Variants in RAB2A observed in about 807,000 individuals in gnomAD.
RAB2A encodes RAB2A, member RAS oncogene family.
A neutral mutation model predicts 32.5 loss-of-function variants in RAB2A; 7 were observed. The ratio of observed to expected loss-of-function variants is 0.22; its 90% CI spans 0.12 to 0.40. The LOEUF is 0.40. RAB2A is among the 10% of genes least tolerant of loss of function. The pLI is 1.00. For synonymous variants in RAB2A, 79 were observed against 85.2 expected (o/e 0.93, Z 0.40); for missense variants, 108 against 260.7 (o/e 0.41, Z 4.03).
At chr8:60,578,356 AG>A (rs1436129970) in intron 3 of RAB2A, among the ~76,000 whole-genome samples, 1 of 152,236 alleles carries the variant, frequency 6.6e-6, no homozygotes, top group Non-Finnish European at 1.5e-5. Flanking sequence ...ATTTGTGAGG[AG>A]AAAAGGATAA....
In RAB2A at chr8:60,584,824, G is replaced by T. The variant is rs1361632237; in HGVS notation, c.362+9G>T. On this transcript the variant is annotated intron_variant, in intron 5 of 7. Transcript: ENST00000262646. ...CTTATTGGAAATAAAAGGTAAAAAG[G>T]CTAATTTAGAGCTTACATTGCATTA... is the stretch of plus-strand genomic sequence containing the variant. 2 of 1,594,486 alleles carry T rather than the reference G, an allele frequency of 1.3e-6. No individual in the cohort carries two copies. The highest frequency in any genetic ancestry group is 1.7e-6 in the Non-Finnish European group (2 of 1,163,012).
intron 3 of RAB2A, among the ~76,000 whole-genome samples, chr8:60,576,769 C>G (rs1001909789): frequency 6.6e-6 from 1 of 152,196 alleles, no homozygotes; most frequent in Admixed American, 6.5e-5. Context: ...AATACTGCCT[C>G]CCCACTTCTG....
intron 1 of RAB2A, among the ~76,000 whole-genome samples, chr8:60,557,721 A>G (rs1265493058): frequency 6.8e-6 from 1 of 147,348 alleles, no homozygotes; most frequent in Non-Finnish European, 1.5e-5. Flanking sequence ...GCGCACCACC[A>G]CACCCATCTT....
chr8:60,518,513 G>A (rs1449714306), intron 1 of RAB2A, among the ~76,000 whole-genome samples: 10 of 150,038 alleles, frequency 6.7e-5, no homozygotes, highest in African/African-American at 2.0e-4. Flanking sequence ...AAAGTTAGCC[G>A]GGCGTCGTGG....
chr8:60,547,873 CG>C (rs1382474458), intron 1 of RAB2A, among the ~76,000 whole-genome samples: 1 of 103,092 alleles, frequency 9.7e-6, no homozygotes, highest in Non-Finnish European at 1.9e-5. Flanking sequence ...GCTGGCCGGG[CG>C]GGGGGCTGAC....
chr8:60,536,035 G>A (rs1303957464), intron 1 of RAB2A, among the ~76,000 whole-genome samples: 1 of 152,150 alleles, frequency 6.6e-6, no homozygotes, highest in Non-Finnish European at 1.5e-5. Flanking sequence ...ATTGCTGTTA[G>A]CCTTCTTGTG....
chr8:60,555,087 A>C (rs1807914591), intron 1 of RAB2A, among the ~76,000 whole-genome samples: 1 of 152,246 alleles, frequency 6.6e-6, no homozygotes, highest in Non-Finnish European at 1.5e-5. Flanking sequence ...CAGATACATT[A>C]TATAGATACA....
At chr8:60,616,242 T>C (rs568627160) in intron 6 of RAB2A, among the ~76,000 whole-genome samples, 3 of 152,352 alleles carry the variant, frequency 2.0e-5, no homozygotes, top group East Asian at 3.9e-4. Flanking sequence ...TTCTTAAGCC[T>C]GTTTTTAAAG....
intron 2 of RAB2A, among the ~76,000 whole-genome samples, chr8:60,565,431 A>AAG (rs1554554739): frequency 2.6e-5 from 4 of 151,732 alleles, no homozygotes; most frequent in East Asian, 3.9e-4. Flanking sequence ...AAAAAAAAAA[A>AAG]AAAGAAAGAA....
chr8:60,539,409 A>G (rs958961311), intron 1 of RAB2A, among the ~76,000 whole-genome samples: 5 of 152,244 alleles, frequency 3.3e-5, no homozygotes, highest in African/African-American at 1.2e-4. Context: ...ACAATAGCCA[A>G]TGAATAAGGT....
At chr8:60,610,862 T>TA (rs1204129624) in intron 6 of RAB2A, among the ~76,000 whole-genome samples, 1 of 152,206 alleles carries the variant, frequency 6.6e-6, no homozygotes, top group African/African-American at 2.4e-5. Flanking sequence ...AGTGCACAAT[T>TA]ATATAGATCG....
At chr8:60,524,636 C>A (rs1807351288) in intron 1 of RAB2A, among the ~76,000 whole-genome samples, 1 of 152,190 alleles carries the variant, frequency 6.6e-6, no homozygotes, top group East Asian at 1.9e-4. Context: ...TAGTAGCCCC[C>A]TTTTAATTTC....
At chr8:60,595,179 A>T (rs923123966) in intron 6 of RAB2A, among the ~76,000 whole-genome samples, 1 of 151,256 alleles carries the variant, frequency 6.6e-6, no homozygotes, top group Non-Finnish European at 1.5e-5. Flanking sequence ...AGAAAAAAAC[A>T]TAAGAAACAA....
intron 3 of RAB2A, chr8:60,576,426 A>G (rs780478028): frequency 7.2e-5 from 25 of 349,164 alleles, no homozygotes; most frequent in Middle Eastern, 3.9e-4. Context: ...AATACATTTG[A>G]TTTCCCAGCC....
chr8:60,614,626 T>G (rs1341016285), intron 6 of RAB2A, among the ~76,000 whole-genome samples: 1 of 152,224 alleles, frequency 6.6e-6, no homozygotes, highest in Non-Finnish European at 1.5e-5. Context: ...ATTTACTGAA[T>G]GTTTATTTGA....
chr8:60,529,689 A>G (rs921661292), intron 1 of RAB2A, among the ~76,000 whole-genome samples: 1 of 152,106 alleles, frequency 6.6e-6, no homozygotes, highest in African/African-American at 2.4e-5. Context: ...ATATTAATAC[A>G]TTTCATTCTA....
At chr8:60,592,771 C>T (rs1011322793) in intron 6 of RAB2A, among the ~76,000 whole-genome samples, 3 of 152,008 alleles carry the variant, frequency 2.0e-5, no homozygotes, top group Admixed American at 6.6e-5. Context: ...TAGATGATTA[C>T]GTAGTTGATC....
At chr8:60,599,918 A>G (rs1804102450) in intron 6 of RAB2A, among the ~76,000 whole-genome samples, 1 of 152,214 alleles carries the variant, frequency 6.6e-6, no homozygotes. Flanking sequence ...TTAGCTTTCA[A>G]AAACTTTAGC....
At chr8:60,530,083 G>A (rs567659107) in intron 1 of RAB2A, among the ~76,000 whole-genome samples, 8 of 148,792 alleles carry the variant, frequency 5.4e-5, no homozygotes, top group South Asian at 4.3e-4. Flanking sequence ...TCCTCCCAGC[G>A]TAGGCTCCCA....
Sources: gnomAD v4.1 joint callset for allele counts (sites outside exome capture counted in the v4.1 genomes callset) on GRCh38, gnomAD v4.1.1 for gene constraint, MANE v1.5 for transcripts, NCBI Gene and HGNC (gene_info 2026-07-23, HGNC 2026-07-21) for gene names.